The following FRMPD4 variants were observed in gnomAD, a reference collection of about 807,000 sequenced individuals.
FRMPD4 encodes the protein FERM and PDZ domain containing 4.
A neutral mutation model predicts 94.1 loss-of-function variants in FRMPD4; 22 were observed. The observed-to-expected ratio is 0.23, with a 90% CI of 0.17 to 0.33. The LOEUF (loss-of-function observed/expected upper bound fraction) is 0.33, where lower values mean the gene tolerates loss of function less well. Among genes scored for constraint, FRMPD4 ranks in the 10% least tolerant of loss-of-function variants. The pLI is 1.00. For synonymous variants in FRMPD4, 631 were observed against 548.6 expected (o/e 1.15, Z -2.10); for missense variants, 1,111 against 1,339.9 (o/e 0.83, Z 2.67).
rs2042225197 is a variant in FRMPD4, at chrX:12,720,877, G to A, written c.4308G>A (p.Gln1436=). 1 of 860,136 alleles carries A rather than the reference G, an allele frequency of 1.2e-6. No homozygotes were observed. 70.9% of individuals were successfully genotyped at this position (860,136 alleles called of 1,213,427 possible). A position where few individuals can be genotyped will look rare whatever the true frequency, so the allele number is the denominator to read the frequency against. Residue 1436 remains glutamine (Q), a synonymous_variant, in exon 17 of 17, where the codon CAG becomes CAA. Transcript: ENST00000675598. The part of the protein sequence containing the change: ...SLKCPGITEA[Q]EASSERRAEL... The stretch of plus-strand genomic sequence containing the variant: ...AGTGTCCAGGCATCACAGAAGCACA[G>A]GAGGCCAGTTCTGAAAGGCGAGCAG...
chrX:12,396,651 T>C (rs2056545738), intron 1 of FRMPD4, among the ~76,000 whole-genome samples: 1 of 112,087 alleles, frequency 8.9e-6, no homozygotes, highest in African/African-American at 3.2e-5. Context: ...ATTTTTAGGA[T>C]TTAAATACAT....
chrX:12,274,471 A>G (rs1246128434), intron 1 of FRMPD4, among the ~76,000 whole-genome samples: 2 of 112,664 alleles, frequency 1.8e-5, no homozygotes, highest in Admixed American at 1.9e-4. Context: ...TTATGGAACA[A>G]TAAAGCAAAG....
chrX:11,840,523 A>C (rs1418631306), intron 1 of FRMPD4, among the ~76,000 whole-genome samples: 1 of 109,329 alleles, frequency 9.1e-6, no homozygotes, highest in African/African-American at 3.3e-5. Context: ...CTTCTTTTCT[A>C]ATCTCTCTGT....
At position 12,346,042 on chromosome X, in the gene FRMPD4, T is replaced by G. The variant is rs757075592; in HGVS notation, c.42-152638T>G. 1.6e-4 allele frequency among the ~76,000 whole-genome samples: 17 copies of G among 103,575 alleles called. No homozygotes were observed. In the East Asian group the frequency reaches 2.8e-3, roughly 17 times the overall value. 89.9% of individuals were successfully genotyped at this position (103,575 alleles called of 115,157 possible). A position where few individuals can be genotyped will look rare whatever the true frequency, so the allele number is the denominator to read the frequency against. ...TATGAGAATTTTAAAATCTCTAGTT[T>G]TTTTTTTTTTTAAGTATATTGGAAG... is the stretch of plus-strand genomic sequence containing the variant. On this transcript the variant is annotated intron_variant, in intron 1 of 16. Coordinates refer to ENST00000675598, the MANE Select transcript of FRMPD4 (RefSeq NM_001368397.1).
intron 14 of FRMPD4, 68 bp from the exon 15 acceptor site, chrX:12,716,001 T>TGGCCCCCCCCCCCCCC: frequency 4.3e-6 from 1 of 231,654 alleles, no homozygotes; most frequent in Non-Finnish European, 8.2e-6. Flanking sequence ...GAGACGAGCC[T>TGGCCCCCCCCCCCCCC]CCCACCCCCG....
At chrX:12,210,757 G>A (rs2056746238) in intron 1 of FRMPD4, among the ~76,000 whole-genome samples, 1 of 110,748 alleles carries the variant, frequency 9.0e-6, no homozygotes. Flanking sequence ...AAGGGGAAAA[G>A]AAAACCAGAC....
chrX:12,546,623 A>C (rs925691435), intron 2 of FRMPD4, among the ~76,000 whole-genome samples: 5 of 112,055 alleles, frequency 4.5e-5, no homozygotes, highest in Non-Finnish European at 7.5e-5. Flanking sequence ...ATGGTGGCAA[A>C]ATTTCAGGCC....
At chrX:12,194,532 C>T (rs1028657178) in intron 1 of FRMPD4, among the ~76,000 whole-genome samples, 13 of 111,011 alleles carry the variant, frequency 1.2e-4, no homozygotes, top group African/African-American at 3.9e-4. Flanking sequence ...GTGTTACAGG[C>T]GTTGGGGATG....
rs150350709 is a variant in FRMPD4 at position 11,934,027 on chromosome X, C to T, written c.95+56009C>T. ...CTCTCCTGGCCCATTGCCAGTCATA[C>T]TTAAATGGTGGTTGAGCTAATCAAG... On this transcript the variant is annotated intron_variant, in intron 3 of 18. Coordinates refer to the FRMPD4 transcript ENST00000640291. Among the ~76,000 whole-genome samples, 504 of 112,198 alleles carry T rather than the reference C, an allele frequency of 4.5e-3. 3 individuals are homozygous for T. Among genetic ancestry groups the T allele is most frequent in the African/African-American group, 0.015 (475 of 30,916 alleles).
intron 16 of FRMPD4, 68 bp from the exon 17 acceptor site, chrX:12,720,466 T>A: frequency 9.4e-7 from 1 of 1,065,798 alleles, no homozygotes; most frequent in Non-Finnish European, 1.3e-6. Flanking sequence ...CATGTAGAGA[T>A]GTAGTAAAAA....
Position 12,326,384 on chromosome X carries a change from G to C in FRMPD4, c.42-172296G>C, listed in dbSNP as rs919840466. ...TCAGCATTATTGGCATTTGGGGCTA[G>C]ATAATTCTTTGTTGTTAGGTGCAGT... is the stretch of plus-strand genomic sequence containing the variant. On this transcript the variant is annotated intron_variant, in intron 1 of 16. Coordinates refer to ENST00000675598, the MANE Select transcript of FRMPD4 (RefSeq NM_001368397.1). 3.4e-4 allele frequency among the ~76,000 whole-genome samples: 38 copies of C among 111,941 alleles called. No homozygotes were observed. In the Admixed American group the frequency reaches 3.6e-3, roughly 11 times the overall value.
At chrX:12,376,998 C>T (rs1253159907) in intron 1 of FRMPD4, among the ~76,000 whole-genome samples, 5 of 111,970 alleles carry the variant, frequency 4.5e-5, no homozygotes. Flanking sequence ...CAGTCAACCT[C>T]AGTCATCTCA....
intron 2 of FRMPD4, among the ~76,000 whole-genome samples, chrX:12,521,947 C>T (rs1299747634): frequency 9.1e-6 from 1 of 109,696 alleles, no homozygotes. Flanking sequence ...GTAAAATTCA[C>T]TGGAATACCC....
At chrX:12,052,453 G>A (rs1031411334) in intron 3 of FRMPD4, among the ~76,000 whole-genome samples, 1 of 112,143 alleles carries the variant, frequency 8.9e-6, no homozygotes, top group Non-Finnish European at 1.9e-5. Context: ...AGTACTCAGT[G>A]TCTTTACAGT....
At chrX:12,219,578 T>C (rs779031746) in intron 1 of FRMPD4, among the ~76,000 whole-genome samples, 2 of 112,114 alleles carry the variant, frequency 1.8e-5, no homozygotes, top group East Asian at 5.6e-4. Flanking sequence ...TTAATAATGT[T>C]TTAAAAGTCA....
intron 2 of FRMPD4, among the ~76,000 whole-genome samples, chrX:12,601,011 A>T (rs2059080117): frequency 8.9e-6 from 1 of 112,479 alleles, no homozygotes; most frequent in Non-Finnish European, 1.9e-5. Context: ...GAGAAAACTA[A>T]AATTATCACA....
At chrX:12,238,382 G>A (rs1348115263) in intron 1 of FRMPD4, among the ~76,000 whole-genome samples, 2 of 111,241 alleles carry the variant, frequency 1.8e-5, no homozygotes, top group Middle Eastern at 9.3e-3. Context: ...ACCCCTCTCC[G>A]CCCCGACCAG....
rs137913834 is a variant in FRMPD4 at position 11,856,589 on chromosome X, T to C, written c.-160-8497T>C. On this transcript the variant is annotated intron_variant, in intron 1 of 18. Coordinates refer to the FRMPD4 transcript ENST00000640291. The stretch of plus-strand genomic sequence containing the variant: ...ATAAGAGCCATAAATGACAAACCCA[T>C]AGCCAGTATCATATTGAATAGGTAA... 5.3e-3 allele frequency among the ~76,000 whole-genome samples: 590 copies of C among 111,667 alleles called. 4 individuals carry two copies. Among genetic ancestry groups the C allele is most frequent in the Middle Eastern group, 0.014 (3 of 217 alleles).
chrX:12,269,897 A>G (rs777911241), intron 1 of FRMPD4, among the ~76,000 whole-genome samples: 1 of 112,641 alleles, frequency 8.9e-6, no homozygotes, highest in East Asian at 2.8e-4. Flanking sequence ...AGGAAGAAAT[A>G]GGTATTTGAA....
Sources: allele counts gnomAD v4.1 joint callset (sites outside exome capture counted in the v4.1 genomes callset), GRCh38; gene constraint gnomAD v4.1.1; transcripts MANE v1.5; gene names NCBI Gene and HGNC (gene_info 2026-07-23, HGNC 2026-07-21).